Variants in ZFAND3 observed in about 807,000 individuals in gnomAD.
ZFAND3 encodes the protein AN1-type zinc finger protein 3.
A neutral mutation model predicts 29.6 loss-of-function variants in ZFAND3; 10 were observed. That is an observed-to-expected ratio of 0.34 (90% CI 0.21 to 0.57). The LOEUF is 0.57. ZFAND3 is among the 20% of genes least tolerant of loss of function. The probability of loss-of-function intolerance (pLI) is 0.86; values close to 1 mark genes in which losing one functional copy is unlikely to be tolerated. For synonymous variants in ZFAND3, 128 were observed against 112.6 expected, an observed-to-expected ratio of 1.14 and a Z score of -0.87; for missense variants, 230 against 304.5, an observed-to-expected ratio of 0.76 and a Z score of 1.82.
chr6:37,888,861 G>T (rs1581736668), intron 1 of ZFAND3, among the ~76,000 whole-genome samples: 1 of 152,138 alleles, frequency 6.6e-6, no homozygotes. Context: ...TCAATTAAGT[G>T]CAAACTTATA....
intron 1 of ZFAND3, among the ~76,000 whole-genome samples, chr6:37,865,522 A>G (rs1348056575): frequency 1.3e-5 from 2 of 152,226 alleles, no homozygotes; most frequent in African/African-American, 2.4e-5. Context: ...ACTCAGATCA[A>G]ACAATATCTG....
intron 2 of ZFAND3, among the ~76,000 whole-genome samples, chr6:37,995,537 T>C (rs1042398673): frequency 1.3e-5 from 2 of 151,592 alleles, no homozygotes; most frequent in Non-Finnish European, 2.9e-5. Flanking sequence ...CACCATGTTG[T>C]TGGAAAATTT....
At chr6:37,973,704 T>G (rs1762429436) in intron 2 of ZFAND3, among the ~76,000 whole-genome samples, 1 of 152,246 alleles carries the variant, frequency 6.6e-6, no homozygotes, top group Admixed American at 6.5e-5. Context: ...AAAGTGATCC[T>G]TTGTGATTTT....
At chr6:37,990,357 G>T (rs1456604366) in intron 2 of ZFAND3, among the ~76,000 whole-genome samples, 1 of 152,226 alleles carries the variant, frequency 6.6e-6, no homozygotes, top group East Asian at 1.9e-4. Flanking sequence ...CTCCCCTCAA[G>T]CCACAGTTTG....
intron 2 of ZFAND3, among the ~76,000 whole-genome samples, chr6:38,008,155 TAAC>T (rs1380050026): frequency 6.6e-5 from 10 of 152,296 alleles, no homozygotes; most frequent in Admixed American, 4.6e-4. Context: ...CTTATCTAAT[TAAC>T]AAGTGTTCCA....
At chr6:38,057,941 C>T (rs531177126) in intron 2 of ZFAND3, among the ~76,000 whole-genome samples, 5 of 152,270 alleles carry the variant, frequency 3.3e-5, no homozygotes, top group African/African-American at 1.2e-4. Context: ...TGTTATGACA[C>T]CATCACCCTG....
At chr6:38,081,784 T>A (rs918240695) in intron 3 of ZFAND3, among the ~76,000 whole-genome samples, 10 of 152,078 alleles carry the variant, frequency 6.6e-5, no homozygotes, top group Admixed American at 2.0e-4. Context: ...ATGCATCAGA[T>A]CTCTGGGCCC....
chr6:37,822,756 A>C (rs2127363445), intron 1 of ZFAND3, among the ~76,000 whole-genome samples: 2 of 152,316 alleles, frequency 1.3e-5, no homozygotes, highest in South Asian at 4.1e-4. Flanking sequence ...TATGGAAACA[A>C]ATATTCCTTT....
chr6:37,897,523 A>T (rs955516087), intron 1 of ZFAND3, among the ~76,000 whole-genome samples: 1 of 152,206 alleles, frequency 6.6e-6, no homozygotes, highest in African/African-American at 2.4e-5. Context: ...TTTCAAGAGT[A>T]TATAGATGAG....
intron 1 of ZFAND3, among the ~76,000 whole-genome samples, chr6:37,868,744 A>G (rs1764635637): frequency 6.6e-6 from 1 of 152,190 alleles, no homozygotes; most frequent in Non-Finnish European, 1.5e-5. Flanking sequence ...AATCATTTTT[A>G]AATATATTAC....
In ZFAND3 at chr6:38,153,961, C is replaced by T. The variant is rs1045769340; in HGVS notation, c.*1572C>T. 6.1e-6 allele frequency: 6 copies of T among 985,380 alleles called. No homozygotes were observed. The highest frequency in any genetic ancestry group is 1.1e-4 in the East Asian group (1 of 8,830). The allele number at this position is 985,380 out of a possible 1,614,324, so 61.0% of individuals were successfully genotyped here. ...CTGCAAATTAACAGCTGAACACCTG[C>T]AACTGCAAATGTTTTTTGATCCGAC... On this transcript the variant is annotated 3_prime_UTR_variant, in exon 6 of 6. Coordinates refer to ENST00000287218, the MANE Select transcript of ZFAND3 (RefSeq NM_021943.3).
chr6:38,098,737 C>T (rs953491635), intron 4 of ZFAND3, among the ~76,000 whole-genome samples: 2 of 151,496 alleles, frequency 1.3e-5, no homozygotes, highest in African/African-American at 4.9e-5. Context: ...CTCCTGACAT[C>T]GTGATCCGCC....
intron 1 of ZFAND3, among the ~76,000 whole-genome samples, chr6:37,827,745 T>C (rs775123675): frequency 6.6e-6 from 1 of 152,222 alleles, no homozygotes; most frequent in Non-Finnish European, 1.5e-5. Flanking sequence ...CGAGGGATGA[T>C]GTACTAGCTA....
intron 3 of ZFAND3, 121 bp from the exon 4 acceptor site, chr6:38,082,271 C>A: frequency 1.2e-6 from 1 of 851,360 alleles, no homozygotes; most frequent in Non-Finnish European, 1.8e-6. Flanking sequence ...CCTACTACTT[C>A]TCCTCGTTAT....
At position 37,882,299 on chromosome 6, in the gene ZFAND3, G is replaced by T. The variant is rs536419969; in HGVS notation, c.72-47660G>T. 3.9e-5 allele frequency among the ~76,000 whole-genome samples: 6 copies of T among 152,154 alleles called. No individual in the cohort carries two copies. The East Asian group carries it at 1.2e-3, about 29-fold the overall frequency. ...GGTAGACCACACGAAGCCCCTCCCC[G>T]TAGGCTCTTCAGATTCTGTTTATTT... On this transcript the variant is annotated intron_variant, in intron 1 of 5. Transcript: ENST00000287218.
At chr6:37,982,335 C>T (rs565549535) in intron 2 of ZFAND3, among the ~76,000 whole-genome samples, 3 of 151,796 alleles carry the variant, frequency 2.0e-5, no homozygotes, top group Admixed American at 6.6e-5. Context: ...GATATATTTT[C>T]CTTTCACAGT....
chr6:37,895,451 C>G (rs960628757), intron 1 of ZFAND3, among the ~76,000 whole-genome samples: 1 of 128,292 alleles, frequency 7.8e-6, no homozygotes, highest in African/African-American at 2.9e-5. Flanking sequence ...TCTCCTGCCT[C>G]AGAGGTTCTT....
chr6:38,142,492 C>CAG (rs1028499502), intron 5 of ZFAND3, among the ~76,000 whole-genome samples: 3 of 152,334 alleles, frequency 2.0e-5, no homozygotes, highest in African/African-American at 7.2e-5. Flanking sequence ...GCGTGCCTCC[C>CAG]CTTTTGTCAT....
At chr6:38,097,256 T>A (rs999576000) in intron 4 of ZFAND3, among the ~76,000 whole-genome samples, 6 of 149,706 alleles carry the variant, frequency 4.0e-5, no homozygotes, top group Non-Finnish European at 7.4e-5. Context: ...TTCATTTTTT[T>A]TTTTTTTTTT....
Sources: gnomAD v4.1 joint callset for allele counts (sites outside exome capture counted in the v4.1 genomes callset) on GRCh38, gnomAD v4.1.1 for gene constraint, MANE v1.5 for transcripts, NCBI Gene and HGNC (gene_info 2026-07-23, HGNC 2026-07-21) for gene names.